GAREM1: variants seen among roughly 807,000 people sequenced by gnomAD.
The protein encoded by GAREM1 is GRB2 associated regulator of MAPK1 subtype 1.
In GAREM1, 26 loss-of-function variants were observed where a neutral mutation model predicts 71.3. The ratio of observed to expected loss-of-function variants is 0.36; its 90% CI spans 0.27 to 0.51. GAREM1 has a LOEUF of 0.51. Among genes scored for constraint, GAREM1 ranks in the 20% least tolerant of loss-of-function variants. GAREM1 has a pLI of 0.95. For synonymous variants in GAREM1, 440 were observed against 433.2 expected, an observed-to-expected ratio of 1.02 and a Z score of -0.20; for missense variants, 1,026 against 1,103.1, an observed-to-expected ratio of 0.93 and a Z score of 0.99.
chr18:32,453,223 A>G (rs2048857387), intron 1 of GAREM1, among the ~76,000 whole-genome samples: 1 of 152,232 alleles, frequency 6.6e-6, no homozygotes, highest in African/African-American at 2.4e-5. Context: ...CACTACCATG[A>G]GAACAGTACA....
At chr18:32,349,774 C>T (rs2047730013) in intron 2 of GAREM1, among the ~76,000 whole-genome samples, 2 of 152,110 alleles carry the variant, frequency 1.3e-5, no homozygotes, top group African/African-American at 4.8e-5. Flanking sequence ...TGTAAACTGT[C>T]AAGCTGTTAA....
chr18:32,308,982 C>G (rs894011997), intron 3 of GAREM1, among the ~76,000 whole-genome samples: 16 of 150,022 alleles, frequency 1.1e-4, no homozygotes, highest in Admixed American at 8.0e-4. Flanking sequence ...AAAGACACTG[C>G]TGCATTCTTG....
At chr18:32,431,264 G>A (rs950818974) in intron 1 of GAREM1, among the ~76,000 whole-genome samples, 40 of 152,114 alleles carry the variant, frequency 2.6e-4, no homozygotes, top group Non-Finnish European at 1.2e-4. Context: ...GGATACTATC[G>A]AATAATACCA....
At chr18:32,466,333 A>G (rs2048998861) in intron 1 of GAREM1, among the ~76,000 whole-genome samples, 1 of 152,204 alleles carries the variant, frequency 6.6e-6, no homozygotes, top group Non-Finnish European at 1.5e-5. Context: ...CTTTCAAAAG[A>G]TTGATTCTTG....
At chr18:32,352,743 C>T (rs1030363723) in intron 2 of GAREM1, among the ~76,000 whole-genome samples, 1 of 152,068 alleles carries the variant, frequency 6.6e-6, no homozygotes, top group Non-Finnish European at 1.5e-5. Context: ...AAGACCACAC[C>T]TGTGATTATG....
chr18:32,389,590 T>C (rs1303530091), intron 2 of GAREM1, among the ~76,000 whole-genome samples: 1 of 152,178 alleles, frequency 6.6e-6, no homozygotes, highest in Non-Finnish European at 1.5e-5. Flanking sequence ...TTTAAATTAC[T>C]GTTTATTAGC....
intron 1 of GAREM1, among the ~76,000 whole-genome samples, chr18:32,447,844 T>C (rs1211052486): frequency 6.6e-6 from 1 of 152,180 alleles, no homozygotes; most frequent in African/African-American, 2.4e-5. Context: ...AGATGTGCCA[T>C]GGATGAACCA....
chr18:32,355,808 C>G (rs958560089), intron 2 of GAREM1, among the ~76,000 whole-genome samples: 7 of 152,108 alleles, frequency 4.6e-5, no homozygotes, highest in Non-Finnish European at 8.8e-5. Context: ...GCCCACCAAA[C>G]CGAACTATTT....
intron 1 of GAREM1, among the ~76,000 whole-genome samples, chr18:32,408,034 A>C (rs1452576204): frequency 6.6e-6 from 1 of 152,100 alleles, no homozygotes; most frequent in Admixed American, 6.5e-5. Flanking sequence ...GTACTGTCTA[A>C]GCCTGGTAGC....
intron 1 of GAREM1, among the ~76,000 whole-genome samples, chr18:32,407,773 G>A (rs567084606): frequency 1.3e-5 from 2 of 152,202 alleles, no homozygotes; most frequent in Admixed American, 1.3e-4. Context: ...AGCAACAACT[G>A]AGAAAAAACC....
rs58886413 is a variant in GAREM1, at chr18:32,267,499, G to GTTT, written c.*369_*371dup. 0.016 allele frequency: 2,310 copies of GTTT among 143,224 alleles called. 27 individuals carry two copies. Among genetic ancestry groups the GTTT allele is most frequent in the Non-Finnish European group, 0.019 (1,251 of 65,874 alleles). 8.9% of individuals were successfully genotyped at this position (143,224 alleles called of 1,614,324 possible). A position where few individuals can be genotyped will look rare whatever the true frequency, so the allele number is the denominator to read the frequency against. On this transcript the variant is annotated 3_prime_UTR_variant, in exon 6 of 6. Coordinates refer to ENST00000269209, the MANE Select transcript of GAREM1 (RefSeq NM_001242409.2). The stretch of plus-strand genomic sequence containing the variant: ...TGAAAGAAGGGACTTGTTCAAAAGT[G>GTTT]TTTTTTTTTTTTTTTTAAAGATTTT...
In GAREM1 at chr18:32,265,983, C is replaced by G. The variant is rs2041368538; in HGVS notation, c.*1888G>C. On this transcript the variant is annotated 3_prime_UTR_variant, in exon 6 of 6. Transcript: ENST00000269209. Reference sequence around the variant, plus strand: ...CAAAACACGAAAGCTTCATAGGTCTCATGTCCTGTGAGTGCAGTACCAGCA... The same window carrying G: ...CAAAACACGAAAGCTTCATAGGTCTGATGTCCTGTGAGTGCAGTACCAGCA... 1 of 152,190 alleles carries G rather than the reference C, an allele frequency of 6.6e-6. No individual in the cohort carries two copies. The highest frequency in any genetic ancestry group is 1.5e-5 in the Non-Finnish European group (1 of 68,036). 9.4% of individuals were successfully genotyped at this position (152,190 alleles called of 1,614,324 possible).
chr18:32,440,378 T>A (rs2048723018), intron 1 of GAREM1, among the ~76,000 whole-genome samples: 1 of 152,174 alleles, frequency 6.6e-6, no homozygotes, highest in Non-Finnish European at 1.5e-5. Flanking sequence ...ATGTCCTAGT[T>A]CAAATTCTCA....
chr18:32,273,567 T>C (rs2041494921), intron 4 of GAREM1, among the ~76,000 whole-genome samples: 1 of 152,100 alleles, frequency 6.6e-6, no homozygotes, highest in Non-Finnish European at 1.5e-5. Context: ...AAGAGAAGCA[T>C]TTCTAAGCTA....
chr18:32,466,843 T>C (rs1002242278), intron 1 of GAREM1, among the ~76,000 whole-genome samples: 1 of 152,192 alleles, frequency 6.6e-6, no homozygotes, highest in Non-Finnish European at 1.5e-5. Context: ...ATGAGATACA[T>C]CTCATCAAAT....
intron 1 of GAREM1, among the ~76,000 whole-genome samples, chr18:32,401,043 G>A (rs2048310100): frequency 1.3e-5 from 2 of 152,120 alleles, no homozygotes; most frequent in Admixed American, 1.3e-4. Flanking sequence ...GATGAAGCTG[G>A]AAATCATCAT....
At chr18:32,377,536 ACT>A (rs1226559154) in intron 2 of GAREM1, among the ~76,000 whole-genome samples, 3 of 152,070 alleles carry the variant, frequency 2.0e-5, no homozygotes, top group African/African-American at 7.2e-5. Flanking sequence ...CATATGGGAA[ACT>A]CACCAGAACC....
At chr18:32,309,375 G>A (rs1011253619) in intron 3 of GAREM1, among the ~76,000 whole-genome samples, 1 of 148,902 alleles carries the variant, frequency 6.7e-6, no homozygotes, top group African/African-American at 2.5e-5. Flanking sequence ...CAGCACTTTG[G>A]GAGGCCAAGG....
chr18:32,370,213 A>G (rs1259218709), intron 2 of GAREM1, among the ~76,000 whole-genome samples: 1 of 152,148 alleles, frequency 6.6e-6, no homozygotes, highest in Non-Finnish European at 1.5e-5. Flanking sequence ...CCGGCGGAAC[A>G]CAAGGTCAGA....
Sources: gnomAD v4.1 joint callset for allele counts (sites outside exome capture counted in the v4.1 genomes callset) on GRCh38, gnomAD v4.1.1 for gene constraint, MANE v1.5 for transcripts, NCBI Gene and HGNC (gene_info 2026-07-23, HGNC 2026-07-21) for gene names.